Variants in KIRREL3 observed in about 807,000 individuals in gnomAD.
KIRREL3 encodes the protein kirre like nephrin family adhesion molecule 3.
A neutral mutation model predicts 89.7 loss-of-function variants in KIRREL3; 36 were observed. That is an observed-to-expected ratio of 0.40 (90% CI 0.31 to 0.53). The LOEUF is 0.53. Ranked by LOEUF, KIRREL3 falls within the 20% of genes least tolerant of loss-of-function variation. KIRREL3 has a pLI of 0.49. For missense variants in KIRREL3, 864 were observed against 1,056.6 expected, an observed-to-expected ratio of 0.82 and a Z score of 2.53; for synonymous variants, 445 against 441.4, an observed-to-expected ratio of 1.01 and a Z score of -0.10.
intron 1 of KIRREL3, among the ~76,000 whole-genome samples, chr11:126,818,516 A>G (rs941309228): frequency 5.9e-5 from 9 of 152,208 alleles, no homozygotes; most frequent in African/African-American, 2.2e-4. Flanking sequence ...ATTAAATAAA[A>G]ACATGTCTAT....
rs1004085852 is a variant in KIRREL3, at chr11:126,761,689, A to G, written c.56-198777T>C. Among the ~76,000 whole-genome samples, 10 of 151,846 alleles carry G rather than the reference A, an allele frequency of 6.6e-5. No homozygotes were observed. Among genetic ancestry groups the G allele is most frequent in the East Asian group, 3.9e-4 (2 of 5,118 alleles). ...AATGTGATTATGGTGTAGTTTGTGT[A>G]TATCACCAGATCTTATGAAGTAGAC... On this transcript the variant is annotated intron_variant, in intron 1 of 16. Coordinates refer to ENST00000525144, the MANE Select transcript of KIRREL3 (RefSeq NM_032531.4). This position sits in a 1 kb window ranked among gnomAD's most constrained non-coding sequence, Gnocchi z 4.4.
At chr11:126,732,980 G>C (rs1948683039) in intron 1 of KIRREL3, among the ~76,000 whole-genome samples, 2 of 152,228 alleles carry the variant, frequency 1.3e-5, no homozygotes, top group Admixed American at 6.5e-5. Context: ...AATGCAATGT[G>C]GAAGGAGGAA....
chr11:126,666,599 T>C lies in KIRREL3; in HGVS notation c.56-103687A>G, dbSNP rs961676952. Among the ~76,000 whole-genome samples the C allele has an allele frequency of 6.6e-6, 1 of 152,150 alleles. No homozygotes were observed. Among genetic ancestry groups the C allele is most frequent in the African/African-American group, 2.4e-5 (1 of 41,440 alleles). ...CACTTACATGGCACAAGGAAAACAA[T>C]ATCAATGATTTGTGCTGCCTGCTTG... is the stretch of plus-strand genomic sequence containing the variant. On this transcript the variant is annotated intron_variant, in intron 1 of 16. Transcript: ENST00000525144. This position sits in a 1 kb window ranked among gnomAD's most constrained non-coding sequence, Gnocchi z 4.2.
At chr11:126,707,708 AT>A (rs1947589053) in intron 1 of KIRREL3, among the ~76,000 whole-genome samples, 1 of 152,052 alleles carries the variant, frequency 6.6e-6, no homozygotes, top group African/African-American at 2.4e-5. Flanking sequence ...AACTCATTCT[AT>A]TCCCCCTGTG....
chr11:126,765,273 T>C (rs752717102), intron 1 of KIRREL3, among the ~76,000 whole-genome samples: 1 of 152,198 alleles, frequency 6.6e-6, no homozygotes, highest in Non-Finnish European at 1.5e-5. Flanking sequence ...GCAACCTTCT[T>C]AGGTGGAAAT....
intron 2 of KIRREL3, among the ~76,000 whole-genome samples, chr11:126,543,651 T>C (rs1938547641): frequency 6.6e-6 from 1 of 152,106 alleles, no homozygotes; most frequent in African/African-American, 2.4e-5. Flanking sequence ...ATAAAGCTGA[T>C]GGGAAGCCGA....
At position 126,867,814 on chromosome 11, in the gene KIRREL3, T is replaced by C. The variant is rs999199773; in HGVS notation, c.55+132641A>G. 1.9e-4 allele frequency among the ~76,000 whole-genome samples: 29 copies of C among 152,242 alleles called. No individual in the cohort carries two copies. The East Asian group carries it at 3.9e-3, about 20-fold the overall frequency. On this transcript the variant is annotated intron_variant, in intron 1 of 16. Coordinates refer to ENST00000525144, the MANE Select transcript of KIRREL3 (RefSeq NM_032531.4). The surrounding 1 kb of genome is among the most constrained non-coding windows in gnomAD (Gnocchi z 4.7). ...TACTGCCGCTCAGTCCAGTATGACTTCTAAGGTAATTGATTTTTAGGTTTG... is the reference window on the plus strand; with the variant it reads ...TACTGCCGCTCAGTCCAGTATGACTCCTAAGGTAATTGATTTTTAGGTTTG...
intron 1 of KIRREL3, among the ~76,000 whole-genome samples, chr11:126,848,470 T>C (rs1944225643): frequency 6.6e-6 from 1 of 152,286 alleles, no homozygotes; most frequent in South Asian, 2.1e-4. Context: ...CTTATTCCTG[T>C]AAACCAACCA....
intron 1 of KIRREL3, among the ~76,000 whole-genome samples, chr11:126,916,340 A>G (rs1187295007): frequency 6.6e-6 from 1 of 152,136 alleles, no homozygotes; most frequent in Non-Finnish European, 1.5e-5. Context: ...TTAAAACACA[A>G]ATTGCTGAGC....
chr11:126,879,683 A>G lies in KIRREL3; in HGVS notation c.55+120772T>C, dbSNP rs1174516888. Among the ~76,000 whole-genome samples the G allele has an allele frequency of 1.3e-5, 2 of 152,174 alleles. No individual in the cohort carries two copies. Among genetic ancestry groups the G allele is most frequent in the African/African-American group, 2.4e-5 (1 of 41,430 alleles). The stretch of plus-strand genomic sequence containing the variant: ...TCAAAAGAATGGAGAGATAGCCTTG[A>G]TATTTGTGGTTCAGTCATTTAACCT... On this transcript the variant is annotated intron_variant, in intron 1 of 16. Coordinates refer to ENST00000525144, the MANE Select transcript of KIRREL3 (RefSeq NM_032531.4). The surrounding 1 kb of genome is among the most constrained non-coding windows in gnomAD (Gnocchi z 5.4).
chr11:126,448,022 C>A (rs762377142), intron 8 of KIRREL3, among the ~76,000 whole-genome samples: 1 of 152,110 alleles, frequency 6.6e-6, no homozygotes, highest in East Asian at 1.9e-4. Context: ...TGCGGTGGCT[C>A]ATGCCTGTAA....
chr11:126,878,907 T>C (rs1284529146), intron 1 of KIRREL3, among the ~76,000 whole-genome samples: 1 of 151,920 alleles, frequency 6.6e-6, no homozygotes, highest in Non-Finnish European at 1.5e-5. Context: ...AGAGAAATGG[T>C]GTGGCCAAGA....
At chr11:126,945,470 T>C (rs1171787604) in intron 1 of KIRREL3, among the ~76,000 whole-genome samples, 1 of 152,170 alleles carries the variant, frequency 6.6e-6, no homozygotes. Context: ...TGGAAGAATG[T>C]GGCCTGGGGC....
rs917347086 is a variant in KIRREL3, at chr11:126,931,300, G to C, written c.55+69155C>G. 6.6e-6 allele frequency among the ~76,000 whole-genome samples: 1 copy of C among 152,174 alleles called. No individual in the cohort carries two copies. ...GTACTGAAATCAAGATTGAATGAAT[G>C]AATGAATGGATAGACTGGAATCTAT... is the stretch of plus-strand genomic sequence containing the variant. On this transcript the variant is annotated intron_variant, in intron 1 of 16. Coordinates refer to ENST00000525144, the MANE Select transcript of KIRREL3 (RefSeq NM_032531.4). The surrounding 1 kb of genome is among the most constrained non-coding windows in gnomAD (Gnocchi z 5.1).
At chr11:126,930,168 G>T (rs771255447) in intron 1 of KIRREL3, among the ~76,000 whole-genome samples, 1 of 151,216 alleles carries the variant, frequency 6.6e-6, no homozygotes, top group Admixed American at 6.6e-5. Flanking sequence ...TTAATAACTC[G>T]TAACAGTGAC....
intron 1 of KIRREL3, among the ~76,000 whole-genome samples, chr11:126,885,668 T>C (rs1028904858): frequency 6.6e-6 from 1 of 152,198 alleles, no homozygotes; most frequent in Non-Finnish European, 1.5e-5. Flanking sequence ...TCTTTCATGG[T>C]TACTGGGCAT....
chr11:126,845,134 C>G (rs1162651777), intron 1 of KIRREL3, among the ~76,000 whole-genome samples: 2 of 152,190 alleles, frequency 1.3e-5, no homozygotes, highest in Non-Finnish European at 2.9e-5. Flanking sequence ...ATATTGAGTA[C>G]TAAGCAGAGT....
intron 1 of KIRREL3, among the ~76,000 whole-genome samples, chr11:126,901,583 T>C (rs1320066344): frequency 6.6e-6 from 1 of 152,098 alleles, no homozygotes; most frequent in African/African-American, 2.4e-5. Context: ...ACTATGGTGG[T>C]CCTGCTGGCA....
At position 126,425,641 on chromosome 11, in the gene KIRREL3, C is replaced by A; in HGVS notation, c.1890G>T (p.Leu630=). Residue 630 remains leucine (L), a synonymous_variant, in exon 16 of 17, where the codon CTG becomes CTT. Transcript: ENST00000525144. ...LKEEEKEFQN[L]KDPTNGYYSV... is the part of the protein sequence containing the mutation. ...TATAACCCGGGGCCCTTCTTACCTT[C>A]AGGTTCTGAAACTCTTTCTCCTCTT... 5 of 1,581,884 alleles carry A rather than the reference C, an allele frequency of 3.2e-6. No homozygotes were observed. The highest frequency in any genetic ancestry group is 4.3e-6 in the Non-Finnish European group (5 of 1,162,382).
Sources: gnomAD v4.1 joint callset for allele counts (sites outside exome capture counted in the v4.1 genomes callset) on GRCh38, gnomAD v4.1.1 for gene constraint, Gnocchi (gnomAD v3.1) non-coding constraint, MANE v1.5 for transcripts, NCBI Gene and HGNC (gene_info 2026-07-23, HGNC 2026-07-21) for gene names.